Variants in DLG2 observed in about 807,000 individuals in gnomAD.
DLG2 encodes discs large MAGUK scaffold protein 2.
DLG2 carries 45 observed loss-of-function variants against 132.5 expected under a neutral mutation model. The observed-to-expected ratio is 0.34, with a 90% confidence interval of 0.27 to 0.44. The LOEUF (loss-of-function observed/expected upper bound fraction) is 0.44. Among genes scored for constraint, DLG2 ranks in the 20% least tolerant of loss-of-function variants. The pLI, the probability that DLG2 is intolerant of heterozygous loss-of-function variation, is 1.00. For missense variants in DLG2, 1,045 were observed against 1,196.9 expected, an observed-to-expected ratio of 0.87 and a Z score of 1.87; for synonymous variants, 424 against 419.6, an observed-to-expected ratio of 1.01 and a Z score of -0.13.
chr11:84,251,883 C>A (rs945361190), intron 7 of DLG2, among the ~76,000 whole-genome samples: 6 of 151,770 alleles, frequency 4.0e-5, no homozygotes, highest in African/African-American at 1.5e-4. Flanking sequence ...TGTGATCTAC[C>A]CACCTCGGAC....
intron 11 of DLG2, among the ~76,000 whole-genome samples, chr11:84,054,741 A>T (rs1035674215): frequency 6.6e-6 from 1 of 152,018 alleles, no homozygotes; most frequent in African/African-American, 2.4e-5. Flanking sequence ...CAGAGTACGA[A>T]ATTGAAAAAC....
chr11:84,342,529 G>T (rs986075354), intron 7 of DLG2, among the ~76,000 whole-genome samples: 3 of 152,086 alleles, frequency 2.0e-5, no homozygotes, highest in African/African-American at 4.8e-5. Flanking sequence ...TGTTGAAATG[G>T]CACAATAATA....
chr11:84,283,420 G>T (rs1247827844), intron 7 of DLG2, among the ~76,000 whole-genome samples: 1 of 152,180 alleles, frequency 6.6e-6, no homozygotes, highest in Non-Finnish European at 1.5e-5. Flanking sequence ...AAACTTTAGA[G>T]CAGAACCTGG....
rs184187777 is a variant in DLG2, at chr11:84,970,178, G to A, written c.357+141483C>T. 1.3e-3 allele frequency among the ~76,000 whole-genome samples: 194 copies of A among 151,978 alleles called. 1 individual carries two copies. Among genetic ancestry groups the A allele is most frequent in the African/African-American group, 4.6e-3 (190 of 41,438 alleles). ...ACTTACAGTATAATTTAAAAAAAAG[G>A]AAAAAAGAAATATACCTTCTTTCCA... On this transcript the variant is annotated intron_variant, in intron 6 of 27. Coordinates refer to ENST00000376104, the MANE Select transcript of DLG2 (RefSeq NM_001142699.3).
At chr11:84,671,301 C>T (rs999591098) in intron 6 of DLG2, among the ~76,000 whole-genome samples, 3 of 151,956 alleles carry the variant, frequency 2.0e-5, no homozygotes, top group African/African-American at 7.2e-5. Context: ...CAGGGTCTCA[C>T]TGTGTTGCCT....
intron 3 of DLG2, among the ~76,000 whole-genome samples, chr11:85,481,735 C>A (rs907682593): frequency 3.3e-5 from 5 of 152,086 alleles, no homozygotes; most frequent in Admixed American, 6.5e-5. Context: ...CAGCCACAGG[C>A]TTCAGGCCTG....
At chr11:84,008,208 T>G (rs2094676501) in intron 11 of DLG2, among the ~76,000 whole-genome samples, 1 of 151,866 alleles carries the variant, frequency 6.6e-6, no homozygotes, top group South Asian at 2.1e-4. Context: ...TGAGACAAAT[T>G]ACAGATCTGG....
At chr11:84,202,926 C>T (rs1252570681) in intron 8 of DLG2, among the ~76,000 whole-genome samples, 1 of 152,114 alleles carries the variant, frequency 6.6e-6, no homozygotes, top group South Asian at 2.1e-4. Context: ...CCATCTCACG[C>T]CAGTCAGAAT....
intron 16 of DLG2, among the ~76,000 whole-genome samples, chr11:83,839,701 G>T (rs979563589): frequency 6.6e-6 from 1 of 152,170 alleles, no homozygotes; most frequent in Admixed American, 6.5e-5. Context: ...GCCAGAGGAG[G>T]ATTCTTAATT....
chr11:84,416,044 A>C (rs1041762955), intron 7 of DLG2, among the ~76,000 whole-genome samples: 1 of 151,580 alleles, frequency 6.6e-6, no homozygotes, highest in Non-Finnish European at 1.5e-5. Context: ...TTCTCCTTTC[A>C]TCTTAATCTC....
chr11:85,312,750 GAA>G (rs1359631591), intron 3 of DLG2, among the ~76,000 whole-genome samples: 1 of 151,946 alleles, frequency 6.6e-6, no homozygotes, highest in African/African-American at 2.4e-5. Context: ...AAGATCTTGT[GAA>G]AGACTGTTTT....
At chr11:85,007,510 A>C (rs575914957) in intron 6 of DLG2, among the ~76,000 whole-genome samples, 37 of 151,334 alleles carry the variant, frequency 2.4e-4, no homozygotes, top group South Asian at 2.3e-3. Flanking sequence ...AAAAAACACA[A>C]AAAAAATTAG....
chr11:84,294,271 A>T (rs1239721262), intron 7 of DLG2, among the ~76,000 whole-genome samples: 1 of 152,156 alleles, frequency 6.6e-6, no homozygotes, highest in African/African-American at 2.4e-5. Context: ...TATTATGCAT[A>T]AGTAAAAATT....
intron 7 of DLG2, among the ~76,000 whole-genome samples, chr11:84,530,124 C>T (rs920037721): frequency 2.0e-5 from 3 of 152,074 alleles, no homozygotes; most frequent in Non-Finnish European, 4.4e-5. Context: ...CTTCCTTATA[C>T]CACGTACAAA....
intron 6 of DLG2, among the ~76,000 whole-genome samples, chr11:84,948,322 T>G (rs563406231): frequency 6.6e-6 from 1 of 152,236 alleles, no homozygotes; most frequent in Admixed American, 6.5e-5. Flanking sequence ...TCTAGCTTCT[T>G]TTTTTTTGAA....
At chr11:85,347,888 C>T (rs1364950397) in intron 3 of DLG2, among the ~76,000 whole-genome samples, 2 of 143,774 alleles carry the variant, frequency 1.4e-5, no homozygotes, top group Non-Finnish European at 3.0e-5. Context: ...ATTGCAGCCT[C>T]GACCTCCTGG....
At chr11:83,998,049 T>C (rs1366280089) in intron 11 of DLG2, among the ~76,000 whole-genome samples, 1 of 151,644 alleles carries the variant, frequency 6.6e-6, no homozygotes, top group Non-Finnish European at 1.5e-5. Flanking sequence ...GCATGAAGAA[T>C]CACTTGAACC....
intron 4 of DLG2, among the ~76,000 whole-genome samples, chr11:85,273,621 A>T (rs1565250520): frequency 6.6e-6 from 1 of 152,168 alleles, no homozygotes; most frequent in African/African-American, 2.4e-5. Context: ...GCTGGAGAGG[A>T]TGTGGAGAAA....
chr11:84,304,431 T>C (rs189242590), intron 7 of DLG2, among the ~76,000 whole-genome samples: 1 of 152,328 alleles, frequency 6.6e-6, no homozygotes, highest in Non-Finnish European at 1.5e-5. Flanking sequence ...TCCAGACTTT[T>C]TAAAAAATGG....
Sources: gnomAD v4.1 joint callset for allele counts (sites outside exome capture counted in the v4.1 genomes callset) on GRCh38, gnomAD v4.1.1 for gene constraint, MANE v1.5 for transcripts, NCBI Gene and HGNC (gene_info 2026-07-23, HGNC 2026-07-21) for gene names.